ITGB8: variants seen among roughly 807,000 people sequenced by gnomAD.
The protein encoded by ITGB8 is integrin subunit beta 8, also known as integrin beta-8.
A neutral mutation model predicts 89.5 loss-of-function variants in ITGB8; 30 were observed. The observed-to-expected ratio is 0.34, with a 90% CI of 0.25 to 0.45. The LOEUF (loss-of-function observed/expected upper bound fraction) is 0.45, where lower values mean the gene tolerates loss of function less well. Among genes scored for constraint, ITGB8 ranks in the 20% least tolerant of loss-of-function variants. ITGB8 has a pLI of 1.00. For synonymous variants in ITGB8, 335 were observed against 320.4 expected, an observed-to-expected ratio of 1.05 and a Z score of -0.49; for missense variants, 836 against 933.3, an observed-to-expected ratio of 0.90 and a Z score of 1.36.
At position 20,411,051 on chromosome 7, in the gene ITGB8, G is replaced by A. The variant is rs1787742093; in HGVS notation, c.*1054G>A. 6.6e-6 allele frequency: 1 copy of A among 151,470 alleles called. No individual in the cohort carries two copies. Among genetic ancestry groups the A allele is most frequent in the Admixed American group, 6.6e-5 (1 of 15,206 alleles). 9.4% of individuals were successfully genotyped at this position (151,470 alleles called of 1,614,324 possible). On this transcript the variant is annotated 3_prime_UTR_variant, in exon 14 of 14. Coordinates refer to ENST00000222573, the MANE Select transcript of ITGB8 (RefSeq NM_002214.3). ...TATATTATCTTCTCCCTTCAAGGCA[G>A]CCTAAGGATGTTCTTTCCCAGAATC...
intron 6 of ITGB8, among the ~76,000 whole-genome samples, chr7:20,385,200 AAAG>A (rs1487471735): frequency 5.9e-5 from 9 of 152,244 alleles, no homozygotes; most frequent in African/African-American, 2.2e-4. Context: ...AGTAACAATG[AAAG>A]AAGACCAAGG....
chr7:20,368,388 G>A (rs6461492), intron 3 of ITGB8, among the ~76,000 whole-genome samples: 141,071 of 152,260 alleles, frequency 0.93, 65,411 homozygotes, highest in East Asian at 0.99. Flanking sequence ...CCTAATTCCA[G>A]TTGAATACAT....
At position 20,414,067 on chromosome 7, in the gene ITGB8, C is replaced by G. The variant is rs1180579761; in HGVS notation, c.*4070C>G. 1 of 152,078 alleles carries G rather than the reference C, an allele frequency of 6.6e-6. No individual in the cohort carries two copies. The highest frequency in any genetic ancestry group is 1.5e-5 in the Non-Finnish European group (1 of 67,980). 9.4% of individuals were successfully genotyped at this position (152,078 alleles called of 1,614,324 possible). A position where few individuals can be genotyped will look rare whatever the true frequency, so the allele number is the denominator to read the frequency against. ...AGACATCACTTTTTCAATTTAACAT[C>G]TCTGAAATTGTGACATTTCTTGCAA... On this transcript the variant is annotated 3_prime_UTR_variant, in exon 14 of 14. Transcript: ENST00000222573.
At position 20,406,177 on chromosome 7, in the gene ITGB8, C is replaced by G. The variant is rs1246135099; in HGVS notation, c.2023+6C>G. On this transcript the variant is annotated splice_donor_region_variant and intron_variant, in intron 12 of 13. Transcript: ENST00000222573. ...TTATGTCGACCAAACTTCAGGTAGGCCAAAGCTTAATAATCAAAGCACAGA... is the reference window on the plus strand; with the variant it reads ...TTATGTCGACCAAACTTCAGGTAGGGCAAAGCTTAATAATCAAAGCACAGA... 2 of 1,518,658 alleles carry G rather than the reference C, an allele frequency of 1.3e-6. No homozygotes were observed. The highest frequency in any genetic ancestry group is 4.5e-5 in the East Asian group (2 of 44,436). 94.1% of individuals were successfully genotyped at this position (1,518,658 alleles called of 1,614,324 possible). A position where few individuals can be genotyped will look rare whatever the true frequency, so the allele number is the denominator to read the frequency against.
chr7:20,398,884 C>G lies in ITGB8; in HGVS notation c.1171C>G (p.Gln391Glu). ...YQKLISEVKV[Q>E]VENQVQGIYF... is the part of the protein sequence containing the mutation. The stretch of plus-strand genomic sequence containing the variant: ...GAAGCTCATTTCAGAAGTGAAAGTT[C>G]AGGTGGAAAACCAGGTACAAGGCAT... The change falls in exon 9 of 14, where the codon CAG becomes GAG. Residue 391 changes from glutamine to glutamate, a missense_variant. Transcript: ENST00000222573. The G allele has an allele frequency of 6.3e-7, 1 of 1,590,284 alleles. No homozygotes were observed. The highest frequency in any genetic ancestry group is 8.5e-7 in the Non-Finnish European group (1 of 1,170,660).
intron 1 of ITGB8, among the ~76,000 whole-genome samples, chr7:20,355,975 T>G (rs1056136192): frequency 2.6e-5 from 4 of 152,234 alleles, no homozygotes; most frequent in Non-Finnish European, 5.9e-5. Flanking sequence ...AACAAATAGA[T>G]CCTTGCTCCC....
At chr7:20,340,995 A>C (rs1784738279) in intron 1 of ITGB8, among the ~76,000 whole-genome samples, 1 of 152,232 alleles carries the variant, frequency 6.6e-6, no homozygotes, top group African/African-American at 2.4e-5. Flanking sequence ...TAGTCATGCA[A>C]GGTATTCATT....
intron 7 of ITGB8, among the ~76,000 whole-genome samples, chr7:20,392,898 T>C (rs1786921293): frequency 6.6e-6 from 1 of 152,222 alleles, no homozygotes; most frequent in African/African-American, 2.4e-5. Flanking sequence ...CTGGCCAAAA[T>C]TAAATGGCCC....
At chr7:20,375,930 T>A (rs1272337763) in intron 3 of ITGB8, among the ~76,000 whole-genome samples, 2 of 152,186 alleles carry the variant, frequency 1.3e-5, no homozygotes, top group Non-Finnish European at 2.9e-5. Flanking sequence ...TTAATAAAAT[T>A]CTTTAGGTAA....
At chr7:20,343,675 G>C (rs1348989018) in intron 1 of ITGB8, among the ~76,000 whole-genome samples, 1 of 152,148 alleles carries the variant, frequency 6.6e-6, no homozygotes, top group Non-Finnish European at 1.5e-5. Flanking sequence ...AGATGATAAT[G>C]TCCTGTCTCT....
chr7:20,409,806 A>G (rs1466102689), intron 13 of ITGB8, 28 bp downstream of exon 13: 2 of 1,611,384 alleles, frequency 1.2e-6, no homozygotes, highest in African/African-American at 2.7e-5. Context: ...AAGAACTGCT[A>G]ACAGTATGTT....
intron 4 of ITGB8, chr7:20,379,526 C>CA (rs34759507): frequency 0.02 from 3,652 of 178,868 alleles, 64 homozygotes; most frequent in Non-Finnish European, 0.028. Flanking sequence ...TTTTTATCAC[C>CA]AAAAAAAACA....
chr7:20,357,440 G>T (rs1785336029), intron 1 of ITGB8, among the ~76,000 whole-genome samples: 1 of 152,032 alleles, frequency 6.6e-6, no homozygotes, highest in South Asian at 2.1e-4. Context: ...ATCTTTCTTT[G>T]TTTTTTTGAA....
At chr7:20,344,149 G>A (rs1156476449) in intron 1 of ITGB8, among the ~76,000 whole-genome samples, 2 of 152,054 alleles carry the variant, frequency 1.3e-5, no homozygotes, top group Non-Finnish European at 2.9e-5. Flanking sequence ...AGATAGTGCT[G>A]TGGGGCAGAG....
chr7:20,397,377 A>G (rs1285187630), intron 8 of ITGB8, among the ~76,000 whole-genome samples: 1 of 151,974 alleles, frequency 6.6e-6, no homozygotes, highest in Non-Finnish European at 1.5e-5. Context: ...CAGGCGTATC[A>G]CGCACACCCG....
chr7:20,353,743 C>T (rs992085598), intron 1 of ITGB8, among the ~76,000 whole-genome samples: 1 of 147,454 alleles, frequency 6.8e-6, no homozygotes, highest in Non-Finnish European at 1.5e-5. Flanking sequence ...ACCATCCTGG[C>T]TAACACGGTG....
At chr7:20,377,069 T>C (rs1490391277) in intron 3 of ITGB8, among the ~76,000 whole-genome samples, 1 of 152,128 alleles carries the variant, frequency 6.6e-6, no homozygotes, top group African/African-American at 2.4e-5. Flanking sequence ...TGGCTAGCAT[T>C]TGGTTGGAGG....
chr7:20,357,348 T>G (rs767112709), intron 1 of ITGB8, among the ~76,000 whole-genome samples: 1 of 152,230 alleles, frequency 6.6e-6, no homozygotes, highest in Non-Finnish European at 1.5e-5. Context: ...ATATTAGCTG[T>G]ATTTTTAAAA....
Position 20,331,601 on chromosome 7 carries a change from G to A in ITGB8, c.-206G>A, listed in dbSNP as rs1414110071. The A allele has an allele frequency of 1.4e-5, 7 of 501,960 alleles. No individual in the cohort carries two copies. The East Asian group carries it at 1.8e-4, about 13-fold the overall frequency. 31.1% of individuals were successfully genotyped at this position (501,960 alleles called of 1,614,324 possible). A position where few individuals can be genotyped will look rare whatever the true frequency, so the allele number is the denominator to read the frequency against. ...CGCGGGACCCGCCGTGCCGAGCCGG[G>A]AGGGCCGCAGGGGCCCTGAGATGCC... On this transcript the variant is annotated 5_prime_UTR_variant, in exon 1 of 14. Coordinates refer to ENST00000222573, the MANE Select transcript of ITGB8 (RefSeq NM_002214.3).
Sources: allele counts gnomAD v4.1 joint callset (sites outside exome capture counted in the v4.1 genomes callset), GRCh38; gene constraint gnomAD v4.1.1; transcripts MANE v1.5; gene names NCBI Gene and HGNC (gene_info 2026-07-23, HGNC 2026-07-21).